Variants in GRM8 observed in about 807,000 individuals in gnomAD.
GRM8 encodes glutamate metabotropic receptor 8.
Under a neutral mutation model 87.2 loss-of-function variants are expected in GRM8, and 47 were observed. The ratio of observed to expected loss-of-function variants is 0.54; its 90% confidence interval spans 0.43 to 0.69. The LOEUF (loss-of-function observed/expected upper bound fraction) is 0.69. GRM8 is among the 30% of genes least tolerant of loss of function. The probability of loss-of-function intolerance (pLI) is 0.00; values close to 1 mark genes in which losing one functional copy is unlikely to be tolerated. For missense variants in GRM8, 1,019 were observed against 1,139.2 expected (o/e 0.89, Z 1.52); for synonymous variants, 396 against 404.5 (o/e 0.98, Z 0.25).
Position 127,235,979 on chromosome 7 carries a change from G to A in GRM8, c.510+6716C>T, listed in dbSNP as rs17865373. On this transcript the variant is annotated intron_variant, in intron 2 of 10. Coordinates refer to ENST00000339582, the MANE Select transcript of GRM8 (RefSeq NM_000845.3). ...GGACTTTCCTTTCATACTATGTATT[G>A]CTTAAACCTTCCAAAATGAGAATGT... 4.3e-3 allele frequency among the ~76,000 whole-genome samples: 452 copies of A among 105,610 alleles called. 3 individuals carry two copies. The highest frequency in any genetic ancestry group is 0.015 in the African/African-American group (433 of 28,044). The allele number at this position is 105,610 out of a possible 152,430, so 69.3% of individuals were successfully genotyped here.
chr7:126,543,626 A>G (rs988474918), intron 8 of GRM8, among the ~76,000 whole-genome samples: 2 of 152,238 alleles, frequency 1.3e-5, no homozygotes, highest in African/African-American at 4.8e-5. Context: ...AAGGCCGATC[A>G]TGACTTAGTT....
chr7:127,068,840 T>C (rs916132741), intron 3 of GRM8, among the ~76,000 whole-genome samples: 3 of 152,170 alleles, frequency 2.0e-5, no homozygotes, highest in Non-Finnish European at 4.4e-5. Context: ...CTGTCTTCTC[T>C]TTGTGCTCTC....
chr7:126,717,394 G>A (rs1811878266), intron 7 of GRM8, among the ~76,000 whole-genome samples: 2 of 152,096 alleles, frequency 1.3e-5, no homozygotes, highest in African/African-American at 2.4e-5. Context: ...CCAGGGACAC[G>A]AGTGCTGGGA....
At chr7:126,799,734 G>T (rs992970307) in intron 6 of GRM8, among the ~76,000 whole-genome samples, 2 of 152,120 alleles carry the variant, frequency 1.3e-5, no homozygotes, top group Non-Finnish European at 2.9e-5. Context: ...GCTGAAGTGT[G>T]GCAGGCATTC....
intron 2 of GRM8, among the ~76,000 whole-genome samples, chr7:127,202,086 A>G (rs980148945): frequency 1.3e-5 from 2 of 152,098 alleles, no homozygotes; most frequent in African/African-American, 4.8e-5. Context: ...TTTAGAATGT[A>G]CATGTATATA....
intron 2 of GRM8, among the ~76,000 whole-genome samples, chr7:127,137,557 T>A (rs562405162): frequency 1.3e-5 from 2 of 152,304 alleles, no homozygotes; most frequent in South Asian, 4.1e-4. Context: ...GAGTGTTCAT[T>A]CTTAACCTAT....
intron 3 of GRM8, among the ~76,000 whole-genome samples, chr7:127,085,764 T>TTTCCTC (rs1823402524): frequency 6.6e-6 from 1 of 152,220 alleles, no homozygotes. Flanking sequence ...TGCCTGTTCA[T>TTTCCTC]TCTGATGATA....
intron 7 of GRM8, among the ~76,000 whole-genome samples, chr7:126,617,979 C>T (rs553757857): frequency 5.9e-5 from 9 of 152,214 alleles, no homozygotes; most frequent in African/African-American, 1.7e-4. Flanking sequence ...CAATGCCATC[C>T]CCATCAAGCT....
At chr7:126,604,299 A>T (rs1263877740) in intron 8 of GRM8, among the ~76,000 whole-genome samples, 1 of 152,112 alleles carries the variant, frequency 6.6e-6, no homozygotes, top group Non-Finnish European at 1.5e-5. Context: ...AAATATCAAA[A>T]CAAATACTTT....
At chr7:126,937,141 T>C (rs1305424755) in intron 3 of GRM8, among the ~76,000 whole-genome samples, 2 of 152,174 alleles carry the variant, frequency 1.3e-5, no homozygotes, top group Non-Finnish European at 2.9e-5. Context: ...ATCTCCTATA[T>C]TCTCCTAGGC....
At chr7:127,017,923 G>T (rs1815849076) in intron 3 of GRM8, among the ~76,000 whole-genome samples, 1 of 151,954 alleles carries the variant, frequency 6.6e-6, no homozygotes, top group African/African-American at 2.4e-5. Flanking sequence ...AAACAGGAAA[G>T]AAAATCCAAC....
chr7:127,099,649 G>T (rs999754580), intron 3 of GRM8, among the ~76,000 whole-genome samples: 1 of 152,124 alleles, frequency 6.6e-6, no homozygotes, highest in Non-Finnish European at 1.5e-5. Flanking sequence ...TATATTACAG[G>T]CTTCTCCATT....
chr7:127,112,168 C>T (rs540707532), intron 2 of GRM8: 7 of 152,414 alleles, frequency 4.6e-5, no homozygotes, highest in African/African-American at 1.7e-4. Context: ...CTCTCACTCA[C>T]CTGATCCAAC....
chr7:126,687,617 GGAAT>G (rs1808328598), intron 7 of GRM8, among the ~76,000 whole-genome samples: 3 of 150,280 alleles, frequency 2.0e-5, no homozygotes, highest in African/African-American at 7.4e-5. Context: ...AACCAAGAAT[GGAAT>G]TGGTAGATCA....
intron 6 of GRM8, among the ~76,000 whole-genome samples, chr7:126,804,480 C>T (rs377460717): frequency 2.0e-5 from 3 of 152,182 alleles, no homozygotes; most frequent in East Asian, 3.8e-4. Flanking sequence ...ACCTATTGAC[C>T]GCAGAACTTT....
At chr7:127,203,804 T>C (rs1377518238) in intron 2 of GRM8, among the ~76,000 whole-genome samples, 1 of 151,738 alleles carries the variant, frequency 6.6e-6, no homozygotes, top group East Asian at 1.9e-4. Context: ...GGGTGAGTTT[T>C]GAAAGGTTTA....
intron 3 of GRM8, among the ~76,000 whole-genome samples, chr7:126,917,009 C>A (rs1053179511): frequency 6.6e-6 from 1 of 152,140 alleles, no homozygotes; most frequent in Non-Finnish European, 1.5e-5. Flanking sequence ...TCAGATAGCA[C>A]TAAAAAGAAA....
chr7:127,199,085 T>A (rs144032997), intron 2 of GRM8, among the ~76,000 whole-genome samples: 42 of 151,846 alleles, frequency 2.8e-4, no homozygotes, highest in African/African-American at 8.2e-4. Flanking sequence ...AGGTGATCCA[T>A]CTGCCTCAGC....
chr7:126,944,042 C>T (rs1055932238), intron 3 of GRM8, among the ~76,000 whole-genome samples: 3 of 152,158 alleles, frequency 2.0e-5, no homozygotes, highest in African/African-American at 4.8e-5. Flanking sequence ...AATCTATTAA[C>T]AAGCAAATAA....
Sources: gnomAD v4.1 joint callset for allele counts (sites outside exome capture counted in the v4.1 genomes callset) on GRCh38, gnomAD v4.1.1 for gene constraint, MANE v1.5 for transcripts, NCBI Gene and HGNC (gene_info 2026-07-23, HGNC 2026-07-21) for gene names.